The following ALK variants were observed in gnomAD, a reference collection of about 807,000 sequenced individuals.
ALK encodes the protein ALK receptor tyrosine kinase.
ALK carries 74 observed loss-of-function variants against 163.1 expected under a neutral mutation model. The ratio of observed to expected loss-of-function variants is 0.45; its 90% CI spans 0.38 to 0.55. ALK has a LOEUF of 0.55. Among genes scored for constraint, ALK ranks in the 20% least tolerant of loss-of-function variants. The pLI is 0.00. For missense variants in ALK, 2,063 were observed against 2,105.3 expected, an observed-to-expected ratio of 0.98 and a Z score of 0.39; for synonymous variants, 960 against 843.2, an observed-to-expected ratio of 1.14 and a Z score of -2.40.
intron 2 of ALK, among the ~76,000 whole-genome samples, chr2:29,702,309 A>G (rs928093882): frequency 1.3e-5 from 2 of 152,036 alleles, no homozygotes; most frequent in African/African-American, 4.8e-5. Flanking sequence ...ATACTACAAC[A>G]ATGTACAAGC....
intron 4 of ALK, among the ~76,000 whole-genome samples, chr2:29,518,235 C>G (rs563516179): frequency 6.6e-6 from 1 of 152,156 alleles, no homozygotes; most frequent in Non-Finnish European, 1.5e-5. Context: ...ATTCATTTTG[C>G]AGTGGGCCTG....
chr2:29,635,663 T>A (rs1437313395), intron 3 of ALK, among the ~76,000 whole-genome samples: 2 of 152,116 alleles, frequency 1.3e-5, no homozygotes, highest in Non-Finnish European at 2.9e-5. Flanking sequence ...GTCCCCCAGG[T>A]GTGATCTCGG....
intron 1 of ALK, among the ~76,000 whole-genome samples, chr2:29,827,968 G>A (rs376788720): frequency 6.6e-6 from 1 of 152,136 alleles, no homozygotes; most frequent in African/African-American, 2.4e-5. Context: ...CCAAAACAGA[G>A]ATATAGATCA....
At chr2:29,659,159 G>A (rs898948424) in intron 3 of ALK, among the ~76,000 whole-genome samples, 12 of 152,100 alleles carry the variant, frequency 7.9e-5, no homozygotes, top group African/African-American at 2.7e-4. Flanking sequence ...TCACTGTCAA[G>A]CCTGCTGCAG....
At chr2:29,609,642 A>C (rs953905268) in intron 3 of ALK, among the ~76,000 whole-genome samples, 50 of 97,766 alleles carry the variant, frequency 5.1e-4, no homozygotes, top group African/African-American at 2.3e-3. Context: ...GAACATATTT[A>C]CATTTTTTTT....
rs1378214258 is a variant in ALK, at chr2:29,214,073, G to C, written c.3654C>G (p.Pro1218=). 1 of 1,613,966 alleles carries C rather than the reference G, an allele frequency of 6.2e-7. No homozygotes were observed. Among genetic ancestry groups the C allele is most frequent in the Non-Finnish European group, 8.5e-7 (1 of 1,179,886 alleles). The change falls in exon 24 of 29, where the codon CCC becomes CCG. Residue 1218 remains proline, a synonymous_variant. Transcript: ENST00000389048. ...GAAGGTCCAGCATGGCCAGGGAGGA[G>C]GGCTGGCTCTGTGGGGAGACAGAAG... ...LRETRPRPSQ[P]SSLAMLDLLH...
intron 1 of ALK, among the ~76,000 whole-genome samples, chr2:29,821,002 T>C (rs1355485194): frequency 1.3e-5 from 2 of 152,170 alleles, no homozygotes; most frequent in South Asian, 2.1e-4. Flanking sequence ...AAGAAGGAGC[T>C]AGTGGATAGC....
At chr2:29,404,644 T>C (rs1669536456) in intron 4 of ALK, among the ~76,000 whole-genome samples, 1 of 152,194 alleles carries the variant, frequency 6.6e-6, no homozygotes, top group Non-Finnish European at 1.5e-5. Context: ...CAAACATTTA[T>C]TGAGTATAGT....
chr2:29,664,234 T>A (rs1677439467), intron 3 of ALK, among the ~76,000 whole-genome samples: 1 of 152,168 alleles, frequency 6.6e-6, no homozygotes, highest in Non-Finnish European at 1.5e-5. Context: ...AGGGTTGATT[T>A]GCATAAGTCT....
chr2:29,342,291 T>C (rs570713812), intron 5 of ALK, among the ~76,000 whole-genome samples: 1 of 152,330 alleles, frequency 6.6e-6, no homozygotes, highest in East Asian at 1.9e-4. Flanking sequence ...TTCTAACACA[T>C]GCTTCCATAT....
chr2:29,919,084 C>G (rs6754787), intron 1 of ALK, among the ~76,000 whole-genome samples: 12,554 of 152,086 alleles, frequency 0.083, 1,141 homozygotes, highest in African/African-American at 0.22. Context: ...GTGAATATGG[C>G]AAGAAATGAG....
chr2:29,820,154 C>T (rs988082199), intron 1 of ALK, among the ~76,000 whole-genome samples: 8 of 152,188 alleles, frequency 5.3e-5, no homozygotes, highest in Admixed American at 5.2e-4. Context: ...ATGTGACTTA[C>T]AGGATTAGGT....
At chr2:29,702,379 G>T in intron 2 of ALK, among the ~76,000 whole-genome samples, 1 of 152,180 alleles carries the variant, frequency 6.6e-6, no homozygotes, top group Non-Finnish European at 1.5e-5. Flanking sequence ...GCAAAGCTGG[G>T]GGCAGGACAG....
At chr2:29,595,487 A>G (rs1439500652) in intron 3 of ALK, among the ~76,000 whole-genome samples, 1 of 151,890 alleles carries the variant, frequency 6.6e-6, no homozygotes, top group Non-Finnish European at 1.5e-5. Flanking sequence ...CGCCCGGCTA[A>G]TTTTTTGTAT....
At chr2:29,335,059 A>G (rs1667568964) in intron 5 of ALK, among the ~76,000 whole-genome samples, 1 of 152,184 alleles carries the variant, frequency 6.6e-6, no homozygotes, top group African/African-American at 2.4e-5. Flanking sequence ...CAGCCTGCAG[A>G]GCAACGAGGA....
chr2:29,334,953 A>G (rs1291568236), intron 5 of ALK, among the ~76,000 whole-genome samples: 1 of 152,132 alleles, frequency 6.6e-6, no homozygotes, highest in African/African-American at 2.4e-5. Flanking sequence ...AATGATTTTA[A>G]TCAAGGGCCT....
chr2:29,785,321 A>G (rs1663979469), intron 1 of ALK, among the ~76,000 whole-genome samples: 1 of 152,220 alleles, frequency 6.6e-6, no homozygotes, highest in East Asian at 1.9e-4. Flanking sequence ...GATATCCTGC[A>G]AACAGCAGGC....
At chr2:29,586,663 C>T (rs143215990) in intron 3 of ALK, among the ~76,000 whole-genome samples, 123 of 152,264 alleles carry the variant, frequency 8.1e-4, no homozygotes, top group African/African-American at 2.9e-3. Flanking sequence ...TTAGGCTGGA[C>T]TCTAGAGAAA....
intron 3 of ALK, among the ~76,000 whole-genome samples, chr2:29,664,336 C>G (rs1168372806): frequency 6.6e-6 from 1 of 152,082 alleles, no homozygotes; most frequent in South Asian, 2.1e-4. Context: ...TTACTAAATA[C>G]CCAGTTGTCC....
Sources: allele counts gnomAD v4.1 joint callset (sites outside exome capture counted in the v4.1 genomes callset), GRCh38; gene constraint gnomAD v4.1.1; transcripts MANE v1.5; gene names NCBI Gene and HGNC (gene_info 2026-07-23, HGNC 2026-07-21).